The following PPFIA4 variants were observed in gnomAD, a reference collection of about 807,000 sequenced individuals.
PPFIA4 encodes the protein liprin-alpha-4.
In PPFIA4, 98 loss-of-function variants were observed where a neutral mutation model predicts 145.7. That is an observed-to-expected ratio of 0.67 (90% confidence interval 0.57 to 0.80). PPFIA4 has a LOEUF of 0.80. Ranked by LOEUF, PPFIA4 falls within the 30% of genes least tolerant of loss-of-function variation. The pLI is 0.00. For synonymous variants in PPFIA4, 628 were observed against 649.6 expected (o/e 0.97, Z 0.51); for missense variants, 1,457 against 1,632.7 (o/e 0.89, Z 1.85).
chr1:203,039,640 T>C (rs1659561551), intron 2 of PPFIA4, among the ~76,000 whole-genome samples: 1 of 152,176 alleles, frequency 6.6e-6, no homozygotes, highest in South Asian at 2.1e-4. Context: ...AGCTCCGTTA[T>C]TGCATAGATC....
chr1:203,049,707 G>C lies in PPFIA4; in HGVS notation c.1451G>C (p.Arg484Pro). The stretch of plus-strand genomic sequence containing the variant: ...CTGTCTGAAGAGATTGAGAAGCTGC[G>C]CCAAGAGGTGGACCAGCTGAAGGGC... ...GRLSEEIEKLRQEVDQLKGRG... is the reference protein window; with the variant it reads ...GRLSEEIEKLPQEVDQLKGRG... Residue 484 changes from arginine to proline, a missense_variant, in exon 13 of 30, where the codon CGC becomes CCC. By Grantham distance (103) the Arg-to-Pro change is moderately radical (BLOSUM62 -2). Around this residue, in one of 3 missense-constraint regions of PPFIA4, gnomAD observed 848 missense variants for 1,046.7 expected, o/e 0.81. Transcript: ENST00000295706. The C allele has an allele frequency of 6.3e-7, 1 of 1,582,622 alleles. No homozygotes were observed. The highest frequency in any genetic ancestry group is 8.6e-7 in the Non-Finnish European group (1 of 1,163,494).
At chr1:203,027,560 AG>A (rs1658495704) in intron 1 of PPFIA4, among the ~76,000 whole-genome samples, 1 of 152,138 alleles carries the variant, frequency 6.6e-6, no homozygotes, top group Non-Finnish European at 1.5e-5. Context: ...GCTGCTTCGC[AG>A]GGAGATCCCC....
intron 1 of PPFIA4, among the ~76,000 whole-genome samples, chr1:203,032,430 T>TTTTTTTTTTGTTGTTG (rs57892403): frequency 3.6e-5 from 5 of 139,380 alleles, no homozygotes; most frequent in African/African-American, 8.0e-5. Context: ...TCCCCGCTTT[T>TTTTTTTTTTGTTGTTG]TTGTTGTTGT....
intron 25 of PPFIA4, 164 bp from the exon 26 acceptor site, chr1:203,067,531 G>T: frequency 1.6e-6 from 1 of 629,158 alleles, no homozygotes; most frequent in Non-Finnish European, 2.9e-6. Context: ...CTCGGGATGG[G>T]TCGCAGGCAA....
intron 24 of PPFIA4, among the ~76,000 whole-genome samples, chr1:203,062,479 C>CAAAAAA (rs34987795): frequency 5.7e-5 from 2 of 35,386 alleles, no homozygotes; most frequent in African/African-American, 1.9e-4. Flanking sequence ...GACTCCGTCT[C>CAAAAAA]AAAAAAAAAA....
chr1:203,035,077 C>T (rs960898605), intron 1 of PPFIA4, among the ~76,000 whole-genome samples: 5 of 152,254 alleles, frequency 3.3e-5, no homozygotes, highest in Non-Finnish European at 5.9e-5. Flanking sequence ...TACAGCAGCT[C>T]TGGCGACCAT....
chr1:203,031,555 C>T (rs1361794463), intron 1 of PPFIA4, among the ~76,000 whole-genome samples: 1 of 152,188 alleles, frequency 6.6e-6, no homozygotes, highest in African/African-American at 2.4e-5. Flanking sequence ...GTTCTGTACT[C>T]TGGACATTTT....
chr1:203,074,041 C>G (rs116712419), intron 28 of PPFIA4, among the ~76,000 whole-genome samples: 6,514 of 152,000 alleles, frequency 0.043, 196 homozygotes, highest in Non-Finnish European at 0.067. Context: ...GGTTTCTGCC[C>G]CATGGAGCAT....
At chr1:203,036,179 C>G (rs1039179130) in intron 1 of PPFIA4, among the ~76,000 whole-genome samples, 2 of 152,310 alleles carry the variant, frequency 1.3e-5, no homozygotes, top group East Asian at 3.9e-4. Flanking sequence ...TTCACATTCC[C>G]GTGCAATCAC....
chr1:203,059,924 TC>T (rs1661243176), intron 21 of PPFIA4, 73 bp downstream of exon 21: 1 of 1,258,934 alleles, frequency 7.9e-7, no homozygotes, highest in African/African-American at 1.5e-5. Context: ...AGGGGTGGTG[TC>T]CTAGAACTTT....
In PPFIA4 at chr1:203,039,113, C is replaced by A. The variant is rs561732914; in HGVS notation, c.105C>A (p.Asp35Glu). The A allele has an allele frequency of 6.2e-7, 1 of 1,607,906 alleles. No homozygotes were observed. The highest frequency in any genetic ancestry group is 1.3e-5 in the African/African-American group (1 of 74,916). ...NFEQLMVNMLDEREKLLESLR... is the reference protein window; with the variant it reads ...NFEQLMVNMLEEREKLLESLR... ...AGCAGCTGATGGTGAACATGCTGGA[C>A]GAGCGGGAGAAGTTGCTGGAGTCTC... is the stretch of plus-strand genomic sequence containing the variant. Residue 35 changes from aspartate to glutamate, a missense_variant, in exon 2 of 30, where the codon GAC (aspartate) becomes GAA (glutamate). Physicochemically the swap from Asp to Glu is conservative, Grantham distance 45. Coordinates refer to ENST00000295706, the MANE Select transcript of PPFIA4 (RefSeq NM_001304331.2).
At chr1:203,061,352 T>C (rs1377314075) in intron 23 of PPFIA4, 2 of 525,724 alleles carry the variant, frequency 3.8e-6, no homozygotes, top group Admixed American at 3.6e-5. Context: ...GTCTCTGCCC[T>C]TGTGCTTCCT....
chr1:203,073,684 A>G (rs1317927250), intron 28 of PPFIA4, among the ~76,000 whole-genome samples: 1 of 152,108 alleles, frequency 6.6e-6, no homozygotes, highest in Non-Finnish European at 1.5e-5. Flanking sequence ...GCATATGGAG[A>G]TGAGGACTCA....
chr1:203,039,563 A>G (rs568036926), intron 2 of PPFIA4, among the ~76,000 whole-genome samples: 49 of 152,258 alleles, frequency 3.2e-4, no homozygotes, highest in Admixed American at 1.8e-3. Flanking sequence ...CCAGTGCCCT[A>G]TTCTTGGAGG....
rs370810351 is a variant in PPFIA4, at chr1:203,063,787, C to T, written c.2875-41C>T. On this transcript the variant is annotated intron_variant, in intron 24 of 29. Transcript: ENST00000295706. ...ACCAGCCTCAGCCTGCTGGCTCTACCTTCCTCCCCCATAATAGCCTCCTGC... is the reference window on the plus strand; with the variant it reads ...ACCAGCCTCAGCCTGCTGGCTCTACTTTCCTCCCCCATAATAGCCTCCTGC... 2.3e-5 allele frequency: 37 copies of T among 1,609,668 alleles called. No homozygotes were observed. In the Admixed American group the frequency reaches 3.3e-4, roughly 15 times the overall value.
At chr1:203,044,603 T>A in intron 5 of PPFIA4, 93 bp from the exon 6 acceptor site, 1 of 1,409,152 alleles carries the variant, frequency 7.1e-7, no homozygotes, top group Non-Finnish European at 9.6e-7. Flanking sequence ...CTAGGAGACA[T>A]TTTTTAACTA....
intron 2 of PPFIA4, among the ~76,000 whole-genome samples, chr1:203,040,410 C>T (rs1659617407): frequency 6.6e-6 from 1 of 152,212 alleles, no homozygotes; most frequent in Non-Finnish European, 1.5e-5. Flanking sequence ...AGAACAAGGG[C>T]TGGGCCTGAG....
chr1:203,073,585 T>C (rs1321634526), intron 28 of PPFIA4, among the ~76,000 whole-genome samples: 2 of 152,144 alleles, frequency 1.3e-5, no homozygotes, highest in African/African-American at 4.8e-5. Context: ...CCTTGAGTTG[T>C]CTCTTGCAAC....
chr1:203,041,207 G>C (rs1659672240), intron 2 of PPFIA4, among the ~76,000 whole-genome samples: 1 of 152,248 alleles, frequency 6.6e-6, no homozygotes, highest in Admixed American at 6.5e-5. Flanking sequence ...AGGCATGCTG[G>C]TGTTTAGAAG....
Sources: gnomAD v4.1 joint callset for allele counts (sites outside exome capture counted in the v4.1 genomes callset) on GRCh38, gnomAD v4.1.1 for gene constraint, gnomAD v4.1.1 regional missense constraint, MANE v1.5 for transcripts, NCBI Gene and HGNC (gene_info 2026-07-23, HGNC 2026-07-21) for gene names.